VCP: variants seen among roughly 807,000 people sequenced by gnomAD.
VCP encodes transitional endoplasmic reticulum ATPase.
In VCP, 6 loss-of-function variants were observed where a neutral mutation model predicts 85.7. The observed-to-expected ratio is 0.07, with a 90% CI of 0.04 to 0.14. VCP has a LOEUF of 0.14. Among genes scored for constraint, VCP ranks in the 10% least tolerant of loss-of-function variants. The pLI is 1.00. For synonymous variants in VCP, 384 were observed against 367.1 expected (o/e 1.05, Z -0.53); for missense variants, 353 against 1,043.4 (o/e 0.34, Z 9.12).
At chr9:35,069,633 C>T (rs529775081) in intron 1 of VCP, among the ~76,000 whole-genome samples, 1 of 152,174 alleles carries the variant, frequency 6.6e-6, no homozygotes, top group South Asian at 2.1e-4. Context: ...TGCATTTTTA[C>T]TAGAGATGGG....
chr9:35,067,051 A>G (rs1482425579), intron 3 of VCP, among the ~76,000 whole-genome samples: 2 of 152,228 alleles, frequency 1.3e-5, no homozygotes, highest in African/African-American at 2.4e-5. Flanking sequence ...CCACAAAGAC[A>G]TGCAGGGTCT....
In VCP at chr9:35,056,633, A is replaced by G. The variant is rs1274754154; in HGVS notation, c.*484T>C. The G allele has an allele frequency of 5.4e-6, 1 of 185,888 alleles. No homozygotes were observed. Among genetic ancestry groups the G allele is most frequent in the East Asian group, 1.3e-4 (1 of 7,668 alleles). 11.5% of individuals were successfully genotyped at this position (185,888 alleles called of 1,614,324 possible). A position where few individuals can be genotyped will look rare whatever the true frequency, so the allele number is the denominator to read the frequency against. ...TTTGGTTTAGAAACTGCTTGTGATT[A>G]GTTTTCCAACATTAACTCAAAAGCA... On this transcript the variant is annotated 3_prime_UTR_variant, in exon 17 of 17. Coordinates refer to ENST00000358901, the MANE Select transcript of VCP (RefSeq NM_007126.5).
At chr9:35,065,175 C>G in intron 5 of VCP, 76 bp downstream of exon 5, 7 of 1,609,398 alleles carry the variant, frequency 4.3e-6, no homozygotes, top group Non-Finnish European at 5.1e-6. Flanking sequence ...GCCGAGCACC[C>G]AGTCCTGACA....
At position 35,064,216 on chromosome 9, in the gene VCP, T is replaced by C. The variant is rs751610041; in HGVS notation, c.646A>G (p.Ile216Val). ...IGGCRKQLAQ[I>V]KEMVELPLRH... Reference sequence around the variant, plus strand: ...AGGGGCAGTTCCACCATCTCCTTTATCTGAGCTAGCTGCTTCCTGCAGCCA... The same window carrying C: ...AGGGGCAGTTCCACCATCTCCTTTACCTGAGCTAGCTGCTTCCTGCAGCCA... Residue 216 changes from isoleucine (I) to valine (V), a missense_variant, in exon 6 of 17, where the codon ATA becomes GTA. Around this residue, in one of 8 missense-constraint regions of VCP, gnomAD observed 85 missense variants for 345.2 expected, o/e 0.25. Coordinates refer to ENST00000358901, the MANE Select transcript of VCP (RefSeq NM_007126.5). The C allele has an allele frequency of 6.2e-7, 1 of 1,614,210 alleles. No individual in the cohort carries two copies. Among genetic ancestry groups the C allele is most frequent in the Non-Finnish European group, 8.5e-7 (1 of 1,180,046 alleles).
chr9:35,070,848 CTCTAATTCCCCA>C (rs1391939316), intron 1 of VCP, among the ~76,000 whole-genome samples: 1 of 152,202 alleles, frequency 6.6e-6, no homozygotes, highest in East Asian at 1.9e-4. Flanking sequence ...AAGGTAAAGC[CTCTAATTCCCCA>C]TCTACCTACT....
intron 5 of VCP, 109 bp downstream of exon 5, chr9:35,065,142 A>T: frequency 6.6e-7 from 1 of 1,523,806 alleles, no homozygotes; most frequent in Non-Finnish European, 9.0e-7. Context: ...TACTGGGATT[A>T]CAGGTGTCAG....
At chr9:35,067,247 G>A (rs779458781) in intron 3 of VCP, among the ~76,000 whole-genome samples, 16 of 152,190 alleles carry the variant, frequency 1.1e-4, no homozygotes, top group Non-Finnish European at 2.2e-4. Context: ...AAAGCTACAT[G>A]AAACTTAGAC....
rs1013738463 is a variant in VCP at position 35,065,180 on chromosome 9, C to T, written c.576+71G>A. On this transcript the variant is annotated intron_variant, in intron 5 of 16. Transcript: ENST00000358901. ...ACCGCAGCCGGCCGAGCACCCAGTCCTGACAGTTACCACATGATGCCACAC... is the reference window on the plus strand; with the variant it reads ...ACCGCAGCCGGCCGAGCACCCAGTCTTGACAGTTACCACATGATGCCACAC... 9.9e-6 allele frequency: 16 copies of T among 1,610,662 alleles called. No individual in the cohort carries two copies. In the African/African-American group the frequency reaches 2.0e-4, roughly 20 times the overall value.
chr9:35,065,823 G>C (rs569697046), intron 4 of VCP, among the ~76,000 whole-genome samples: 1 of 152,314 alleles, frequency 6.6e-6, no homozygotes, highest in Non-Finnish European at 1.5e-5. Flanking sequence ...AAGAGGGTAA[G>C]ACATATGAAT....
chr9:35,064,341 C>T, intron 5 of VCP, 56 bp from the exon 6 acceptor site: 1 of 1,606,408 alleles, frequency 6.2e-7, no homozygotes, highest in Non-Finnish European at 8.5e-7. Flanking sequence ...TCAGCAAAAG[C>T]TGAGTTTCTC....
chr9:35,070,841 G>A (rs1226753501), intron 1 of VCP, among the ~76,000 whole-genome samples: 3 of 152,164 alleles, frequency 2.0e-5, no homozygotes, highest in Non-Finnish European at 4.4e-5. Context: ...TTTTCTTAAG[G>A]TAAAGCCTCT....
At position 35,067,308 on chromosome 9, in the gene VCP, G is replaced by C. The variant is rs192077897; in HGVS notation, c.303-491C>G. Among the ~76,000 whole-genome samples the C allele has an allele frequency of 3.2e-4, 49 of 152,286 alleles. No individual in the cohort carries two copies. The East Asian group carries it at 9.1e-3, about 28-fold the overall frequency. On this transcript the variant is annotated intron_variant, in intron 3 of 16. Coordinates refer to ENST00000358901, the MANE Select transcript of VCP (RefSeq NM_007126.5). Reference sequence around the variant, plus strand: ...AGATGATCCTGGCCAGGTGATGGTTGGTTGGGTAGGAGTGGCTAGAGATGA... The same window carrying C: ...AGATGATCCTGGCCAGGTGATGGTTCGTTGGGTAGGAGTGGCTAGAGATGA...
chr9:35,063,446 A>G (rs928527436), intron 6 of VCP, among the ~76,000 whole-genome samples: 3 of 152,192 alleles, frequency 2.0e-5, no homozygotes, highest in Non-Finnish European at 4.4e-5. Context: ...CATTTAAGAG[A>G]GCAGGGTCTA....
intron 12 of VCP, 62 bp downstream of exon 12, chr9:35,060,739 G>A: frequency 1.2e-6 from 2 of 1,613,504 alleles, no homozygotes; most frequent in South Asian, 1.1e-5. Context: ...GACACCCTGA[G>A]ATCACCCAGA....
In VCP at chr9:35,065,376, T is replaced by C. The variant is rs367881889; in HGVS notation, c.451A>G (p.Ile151Val). The part of the protein sequence containing the change: ...EAYRPIRKGD[I>V]FLVRGGMRAV... ...CGCATCCCACCACGGACAAGAAAAA[T>C]GTCTCCTGCGAGAGCAAACAGTACA... Residue 151 changes from isoleucine (I) to valine (V), a missense_variant, in exon 5 of 17, where the codon ATT becomes GTT. Ile to Val is a conservative substitution (Grantham distance 29). Coordinates refer to ENST00000358901, the MANE Select transcript of VCP (RefSeq NM_007126.5). 44 of 1,613,920 alleles carry C rather than the reference T, an allele frequency of 2.7e-5. No homozygotes were observed. Among genetic ancestry groups the C allele is most frequent in the Non-Finnish European group, 3.6e-5 (43 of 1,180,022 alleles).
intron 6 of VCP, 124 bp from the exon 7 acceptor site, chr9:35,063,204 C>A: frequency 1.2e-6 from 1 of 826,340 alleles, no homozygotes; most frequent in East Asian, 2.5e-5. Flanking sequence ...AATAAGCCCT[C>A]CGCAGTAAAT....
In VCP at chr9:35,056,818, C is replaced by G. The variant is rs1234301772; in HGVS notation, c.*299G>C. 1 of 400,450 alleles carries G rather than the reference C, an allele frequency of 2.5e-6. No homozygotes were observed. Among genetic ancestry groups the G allele is most frequent in the Non-Finnish European group, 4.8e-6 (1 of 209,572 alleles). The allele number at this position is 400,450 out of a possible 1,614,324, so 24.8% of individuals were successfully genotyped here. A position where few individuals can be genotyped will look rare whatever the true frequency, so the allele number is the denominator to read the frequency against. ...GGCAGTAGTGCCTTGGTTCACACCCCACACAGGTCCCCTGCACTGCCCCAA... is the reference window on the plus strand; with the variant it reads ...GGCAGTAGTGCCTTGGTTCACACCCGACACAGGTCCCCTGCACTGCCCCAA... On this transcript the variant is annotated 3_prime_UTR_variant, in exon 17 of 17. Transcript: ENST00000358901.
chr9:35,066,573 TAA>T, intron 4 of VCP, 100 bp downstream of exon 4: 1 of 1,396,806 alleles, frequency 7.2e-7, no homozygotes. Flanking sequence ...GGGAAAAGCA[TAA>T]AAGATTTAAA....
rs1305508276 is a variant in VCP at position 35,061,784 on chromosome 9, T to C, written c.1082-95A>G. ...ACCAACCATCTCAGCCAGCACAGGA[T>C]TGTCCTAATGCCAGCACTAAAAAAG... On this transcript the variant is annotated intron_variant, in intron 9 of 16. Coordinates refer to ENST00000358901, the MANE Select transcript of VCP (RefSeq NM_007126.5). 5.4e-5 allele frequency: 74 copies of C among 1,375,896 alleles called. 1 individual carries two copies. Among genetic ancestry groups the C allele is most frequent in the Non-Finnish European group, 6.2e-5 (60 of 963,786 alleles). The allele number at this position is 1,375,896 out of a possible 1,614,324, so 85.2% of individuals were successfully genotyped here.
Sources: gnomAD v4.1 joint callset for allele counts (sites outside exome capture counted in the v4.1 genomes callset) on GRCh38, gnomAD v4.1.1 for gene constraint, gnomAD v4.1.1 regional missense constraint, MANE v1.5 for transcripts, NCBI Gene and HGNC (gene_info 2026-07-23, HGNC 2026-07-21) for gene names.